The following CSMD1 variants were observed in gnomAD, a reference collection of about 807,000 sequenced individuals.
CSMD1 encodes CUB and Sushi multiple domains 1.
In CSMD1, 213 loss-of-function variants were observed where a neutral mutation model predicts 417.5. That is an observed-to-expected ratio of 0.51 (90% CI 0.46 to 0.57). The LOEUF (loss-of-function observed/expected upper bound fraction) is 0.57, where lower values mean the gene tolerates loss of function less well. Among genes scored for constraint, CSMD1 ranks in the 20% least tolerant of loss-of-function variants. The pLI is 0.00. For synonymous variants in CSMD1, 2,862 were observed against 1,736.8 expected, an observed-to-expected ratio of 1.65 and a Z score of -16.11; for missense variants, 6,923 against 4,529.7, an observed-to-expected ratio of 1.53 and a Z score of -15.17.
intron 5 of CSMD1, among the ~76,000 whole-genome samples, chr8:3,789,475 T>G (rs1427885564): frequency 6.7e-6 from 1 of 149,906 alleles, no homozygotes; most frequent in Non-Finnish European, 1.5e-5. Context: ...GGACAAAACT[T>G]TAACAGGAAA....
rs368435637 is a variant in CSMD1, at chr8:4,962,197, T to TAAA, written c.85+32132_85+32134dup. Among the ~76,000 whole-genome samples the TAAA allele has an allele frequency of 1.4e-3, 174 of 121,284 alleles. No homozygotes were observed. The South Asian group carries it at 0.027, about 19-fold the overall frequency. The allele number at this position is 121,284 out of a possible 152,430, so 79.6% of individuals were successfully genotyped here. ...TAAATGTAAATTTCTGCTTTTTTTT[T>TAAA]AAAAAAAAAAGAAAAAAACAAATAT... On this transcript the variant is annotated intron_variant, in intron 1 of 69. Coordinates refer to ENST00000635120, the MANE Select transcript of CSMD1 (RefSeq NM_033225.6).
intron 5 of CSMD1, among the ~76,000 whole-genome samples, chr8:3,796,774 C>A (rs1288829641): frequency 3.3e-5 from 5 of 151,168 alleles, no homozygotes; most frequent in African/African-American, 1.2e-4. Context: ...TTCTGATCAT[C>A]ATATTCTTGA....
At chr8:3,667,565 G>A (rs1431521761) in intron 7 of CSMD1, among the ~76,000 whole-genome samples, 1 of 152,136 alleles carries the variant, frequency 6.6e-6, no homozygotes, top group Non-Finnish European at 1.5e-5. Context: ...GGCTGAGAAA[G>A]TCCTTGGAGA....
At chr8:3,225,175 T>C (rs912702940) in intron 27 of CSMD1, among the ~76,000 whole-genome samples, 5 of 151,900 alleles carry the variant, frequency 3.3e-5, no homozygotes, top group African/African-American at 9.7e-5. Flanking sequence ...CCTCTTTAAA[T>C]ACTTATTTAA....
chr8:3,303,622 G>A (rs1272835611), intron 25 of CSMD1, among the ~76,000 whole-genome samples: 2 of 152,178 alleles, frequency 1.3e-5, no homozygotes, highest in Non-Finnish European at 2.9e-5. Context: ...TACACTGGCA[G>A]AAAAGCAATT....
intron 2 of CSMD1, among the ~76,000 whole-genome samples, chr8:4,572,711 T>A (rs771484290): frequency 2.6e-5 from 4 of 152,188 alleles, no homozygotes; most frequent in Non-Finnish European, 5.9e-5. Context: ...CTGAAGAGTG[T>A]TTTCCAACTT....
chr8:4,191,825 C>G (rs1411425037), intron 3 of CSMD1, among the ~76,000 whole-genome samples: 2 of 150,358 alleles, frequency 1.3e-5, no homozygotes, highest in Non-Finnish European at 2.9e-5. Context: ...GAATGATTTA[C>G]AATATGAGTC....
chr8:4,112,345 G>A (rs1406665212), intron 3 of CSMD1, among the ~76,000 whole-genome samples: 2 of 152,206 alleles, frequency 1.3e-5, no homozygotes, highest in Non-Finnish European at 2.9e-5. Flanking sequence ...GGCCTGTGAT[G>A]AGGCTAGGGC....
At chr8:4,036,211 G>A (rs1156383384) in intron 3 of CSMD1, among the ~76,000 whole-genome samples, 2 of 152,120 alleles carry the variant, frequency 1.3e-5, no homozygotes, top group Non-Finnish European at 2.9e-5. Flanking sequence ...ATCACCTAAG[G>A]ATGCATTTCT....
At chr8:3,930,191 T>G (rs925630985) in intron 5 of CSMD1, among the ~76,000 whole-genome samples, 1 of 150,314 alleles carries the variant, frequency 6.7e-6, no homozygotes, top group Non-Finnish European at 1.5e-5. Context: ...TTGCCGTATC[T>G]ATTAGATGAT....
chr8:3,974,739 A>C (rs1479569107), intron 5 of CSMD1, among the ~76,000 whole-genome samples: 2 of 152,046 alleles, frequency 1.3e-5, no homozygotes, highest in Admixed American at 1.3e-4. Context: ...GGCAAAACTA[A>C]ATTTTGGTAT....
chr8:3,508,608 GA>G, intron 10 of CSMD1, among the ~76,000 whole-genome samples: 1 of 152,286 alleles, frequency 6.6e-6, no homozygotes, highest in African/African-American at 2.4e-5. Flanking sequence ...AGCGATGTGT[GA>G]GAAAATTTTA....
At chr8:4,278,704 A>G (rs894265125) in intron 3 of CSMD1, among the ~76,000 whole-genome samples, 2 of 152,188 alleles carry the variant, frequency 1.3e-5, no homozygotes, top group Non-Finnish European at 2.9e-5. Flanking sequence ...TGGCTAACAA[A>G]ACCAGCTTGT....
intron 3 of CSMD1, among the ~76,000 whole-genome samples, chr8:4,094,251 T>C (rs1800881262): frequency 6.6e-6 from 1 of 152,006 alleles, no homozygotes; most frequent in Non-Finnish European, 1.5e-5. Context: ...GTTGACTGTT[T>C]GTAAATCAGG....
At chr8:3,741,525 T>C (rs1796803480) in intron 6 of CSMD1, among the ~76,000 whole-genome samples, 1 of 152,254 alleles carries the variant, frequency 6.6e-6, no homozygotes, top group African/African-American at 2.4e-5. Flanking sequence ...TTACAGTTTT[T>C]AGTAGGCACA....
At chr8:4,763,677 T>C (rs1255129461) in intron 1 of CSMD1, among the ~76,000 whole-genome samples, 1 of 152,192 alleles carries the variant, frequency 6.6e-6, no homozygotes, top group Non-Finnish European at 1.5e-5. Flanking sequence ...AAGATTGAGT[T>C]TCAAGCAAGT....
At chr8:4,278,057 A>T (rs368744296) in intron 3 of CSMD1, among the ~76,000 whole-genome samples, 58 of 152,250 alleles carry the variant, frequency 3.8e-4, no homozygotes, top group African/African-American at 1.3e-3. Context: ...CCCTTTCCCT[A>T]ACTTTAAATA....
chr8:3,998,254 G>GA, intron 4 of CSMD1, 144 bp from the exon 5 acceptor site: 1 of 669,766 alleles, frequency 1.5e-6, no homozygotes. Context: ...AGAATCTTTT[G>GA]GTATGTTAAT....
At chr8:4,541,180 T>C (rs777476625) in intron 2 of CSMD1, among the ~76,000 whole-genome samples, 24 of 152,248 alleles carry the variant, frequency 1.6e-4, no homozygotes, top group Admixed American at 8.5e-4. Context: ...ATTTCATGAA[T>C]TTCCAGCTGC....
Sources: allele counts gnomAD v4.1 joint callset (sites outside exome capture counted in the v4.1 genomes callset), GRCh38; gene constraint gnomAD v4.1.1; transcripts MANE v1.5; gene names NCBI Gene and HGNC (gene_info 2026-07-23, HGNC 2026-07-21).